Variants in WNK2 observed in about 807,000 individuals in gnomAD.
WNK2 encodes the protein serine/threonine-protein kinase WNK2.
WNK2 carries 67 observed loss-of-function variants against 192.1 expected under a neutral mutation model. The observed-to-expected ratio is 0.35, with a 90% confidence interval of 0.29 to 0.43. The LOEUF is 0.43. WNK2 is among the 20% of genes least tolerant of loss of function. The pLI, the probability that WNK2 is intolerant of heterozygous loss-of-function variation, is 1.00. For missense variants in WNK2, 2,698 were observed against 3,089.7 expected (o/e 0.87, Z 3.01); for synonymous variants, 1,439 against 1,393.9 (o/e 1.03, Z -0.72).
At position 93,185,154 on chromosome 9, in the gene WNK2, G is replaced by T; in HGVS notation, c.225G>T (p.Val75=). The T allele has an allele frequency of 7.8e-7, 1 of 1,278,390 alleles. No homozygotes were observed. The highest frequency in any genetic ancestry group is 9.9e-7 in the Non-Finnish European group (1 of 1,006,002). The allele number at this position is 1,278,390 out of a possible 1,614,324, so 79.2% of individuals were successfully genotyped here. Reference sequence around the variant, plus strand: ...CCCCGCAGCCCCTGCAGCGCCGGGTGCTTCTGCTCTGCAAGACGCGCCGCC... The same window carrying T: ...CCCCGCAGCCCCTGCAGCGCCGGGTTCTTCTGCTCTGCAAGACGCGCCGCC... The part of the protein sequence containing the change: ...PQPPQPLQRR[V]LLLCKTRRLI... Residue 75 remains valine (V), a synonymous_variant, in exon 2 of 30, where the codon GTG becomes GTT. Transcript: ENST00000427277.
chr9:93,189,945 G>A (rs145038422), intron 2 of WNK2, among the ~76,000 whole-genome samples: 7 of 152,338 alleles, frequency 4.6e-5, no homozygotes, highest in African/African-American at 1.4e-4. Flanking sequence ...CACAGAGGAG[G>A]TGCATGGCAC....
At chr9:93,317,452 G>A (rs1854897634) in intron 28 of WNK2, 68 bp from the exon 29 acceptor site, 2 of 1,502,520 alleles carry the variant, frequency 1.3e-6, no homozygotes, top group African/African-American at 1.4e-5. Flanking sequence ...GCACCCTGGG[G>A]GCCACTAAGG....
chr9:93,204,598 G>GGGGT (rs1833048734), intron 2 of WNK2, among the ~76,000 whole-genome samples: 1 of 152,266 alleles, frequency 6.6e-6, no homozygotes, highest in South Asian at 2.1e-4. Flanking sequence ...CTGAGGGGCA[G>GGGGT]GGGTGGGGAA....
chr9:93,255,210 C>G (rs1843109957), intron 9 of WNK2, among the ~76,000 whole-genome samples: 1 of 152,186 alleles, frequency 6.6e-6, no homozygotes, highest in African/African-American at 2.4e-5. Flanking sequence ...CCCCTCCGTG[C>G]CTTTCCTGGG....
chr9:93,292,160 G>T, intron 21 of WNK2, 148 bp from the exon 22 acceptor site: 4 of 741,854 alleles, frequency 5.4e-6, no homozygotes, highest in Non-Finnish European at 9.2e-6. Context: ...AGCACACACA[G>T]CTGGCTCCTC....
chr9:93,260,022 C>G (rs1363176944), intron 12 of WNK2, among the ~76,000 whole-genome samples: 1 of 152,050 alleles, frequency 6.6e-6, no homozygotes, highest in Non-Finnish European at 1.5e-5. Context: ...GGGTGACAAC[C>G]CCATCTTAGG....
rs1356704001 is a variant in WNK2 at position 93,185,430 on chromosome 9, C to T, written c.501C>T (p.Arg167=). Residue 167 remains arginine (R), a synonymous_variant, in exon 2 of 30, where the codon CGC becomes CGT. Transcript: ENST00000427277. ...GAAEAKPEPG[R]TRRDEPEEEE... ...CCGAGGCGAAGCCTGAGCCCGGGCG[C>T]ACTCGCCGGGACGAGCCCGAAGAGG... The T allele has an allele frequency of 3.7e-6, 6 of 1,611,460 alleles. No individual in the cohort carries two copies. Among genetic ancestry groups the T allele is most frequent in the Non-Finnish European group, 5.1e-6 (6 of 1,179,460 alleles).
intron 9 of WNK2, among the ~76,000 whole-genome samples, chr9:93,255,439 C>T (rs1267329783): frequency 6.6e-6 from 1 of 152,208 alleles, no homozygotes; most frequent in African/African-American, 2.4e-5. Context: ...CCTCCACTCC[C>T]TGGCTTCAGG....
At chr9:93,189,665 CCT>C (rs1465900271) in intron 2 of WNK2, among the ~76,000 whole-genome samples, 2 of 152,238 alleles carry the variant, frequency 1.3e-5, no homozygotes, top group Non-Finnish European at 2.9e-5. Flanking sequence ...CACCCGACAG[CCT>C]CTCTCCCAGC....
At chr9:93,189,452 A>C (rs1829926750) in intron 2 of WNK2, among the ~76,000 whole-genome samples, 1 of 152,182 alleles carries the variant, frequency 6.6e-6, no homozygotes, top group Admixed American at 6.5e-5. Context: ...TAGTTCCAGA[A>C]AGTTACAAAG....
intron 2 of WNK2, among the ~76,000 whole-genome samples, chr9:93,206,182 G>A (rs982865814): frequency 1.4e-4 from 21 of 152,256 alleles, no homozygotes; most frequent in Non-Finnish European, 2.4e-4. Context: ...CATGTGGACA[G>A]TGTGATCTGT....
At chr9:93,268,606 T>C (rs1045260132) in intron 18 of WNK2, 21 bp from the exon 19 acceptor site, 2 of 1,603,184 alleles carry the variant, frequency 1.2e-6, no homozygotes, top group Non-Finnish European at 1.7e-6. Context: ...CTCAGCGTGC[T>C]GTTTCTGTTC....
chr9:93,293,459 A>G (rs1404869283), intron 23 of WNK2, among the ~76,000 whole-genome samples: 2 of 151,872 alleles, frequency 1.3e-5, no homozygotes, highest in Non-Finnish European at 2.9e-5. Flanking sequence ...AGCTGGGACT[A>G]CAGGTGCCTG....
At position 93,262,047 on chromosome 9, in the gene WNK2, C is replaced by G; in HGVS notation, c.3300C>G (p.Gly1100=). The G allele has an allele frequency of 1.2e-6, 2 of 1,610,006 alleles. No homozygotes were observed. The highest frequency in any genetic ancestry group is 1.1e-5 in the South Asian group (1 of 90,918). Residue 1100 remains glycine, a synonymous_variant, in exon 13 of 30, where the codon GGC becomes GGG. Transcript: ENST00000427277. ...LLPPANPPLP[G]GPGIASPCPT... ...CACCAGCAAACCCACCGCTGCCTGGCGGGCCCGGGATCGCCAGCCCTTGCC... is the reference window on the plus strand; with the variant it reads ...CACCAGCAAACCCACCGCTGCCTGGGGGGCCCGGGATCGCCAGCCCTTGCC...
chr9:93,289,940 G>A (rs1361122772), intron 20 of WNK2, 38 bp from the exon 21 acceptor site: 2 of 1,539,206 alleles, frequency 1.3e-6, no homozygotes, highest in African/African-American at 1.4e-5. Flanking sequence ...TGACCTGTGA[G>A]TCTCACGGCT....
chr9:93,270,032 G>A (rs907876184), intron 19 of WNK2, among the ~76,000 whole-genome samples: 4 of 152,220 alleles, frequency 2.6e-5, no homozygotes, highest in Admixed American at 6.5e-5. Context: ...TTTCCCCAGG[G>A]AGCATCTCCC....
intron 2 of WNK2, among the ~76,000 whole-genome samples, chr9:93,212,549 G>A (rs1834986247): frequency 6.6e-6 from 1 of 152,330 alleles, no homozygotes; most frequent in East Asian, 1.9e-4. Context: ...GCCTGTGGTC[G>A]GGGCACATGA....
intron 19 of WNK2, among the ~76,000 whole-genome samples, chr9:93,284,492 C>G (rs1848170951): frequency 6.6e-6 from 1 of 151,008 alleles, no homozygotes; most frequent in Admixed American, 6.6e-5. Context: ...AGCAAATATT[C>G]TTAATGGTGA....
Position 93,261,892 on chromosome 9 carries a change from G to A in WNK2, c.3145G>A (p.Val1049Ile). The A allele has an allele frequency of 6.2e-7, 1 of 1,603,638 alleles. No individual in the cohort carries two copies. Among genetic ancestry groups the A allele is most frequent in the Non-Finnish European group, 8.5e-7 (1 of 1,179,672 alleles). Residue 1049 changes from valine (V) to isoleucine (I), a missense_variant, in exon 13 of 30, where the codon GTC becomes ATC. Around this residue, in one of 7 missense-constraint regions of WNK2, gnomAD observed 893 missense variants for 909.0 expected, o/e 0.98. Transcript: ENST00000427277. ...CACCGTGCCTGTGCCACCGGCTGCG[G>A]TCCTCTCGCCGCCTCTGCCGGAAGT... The part of the protein sequence containing the change: ...VPTVPVPPAA[V>I]LSPPLPEVLL...
Sources: gnomAD v4.1 joint callset for allele counts (sites outside exome capture counted in the v4.1 genomes callset) on GRCh38, gnomAD v4.1.1 for gene constraint, gnomAD v4.1.1 regional missense constraint, MANE v1.5 for transcripts, NCBI Gene and HGNC (gene_info 2026-07-23, HGNC 2026-07-21) for gene names.